The following TMEM52B variants were observed in gnomAD, a reference collection of about 807,000 sequenced individuals.
TMEM52B encodes transmembrane protein 52B, also known as chromosome 12 open reading frame 59.
In TMEM52B, 11 loss-of-function variants were observed where a neutral mutation model predicts 16.1. The observed-to-expected ratio is 0.68, with a 90% confidence interval of 0.43 to 1.13. The LOEUF (loss-of-function observed/expected upper bound fraction) is 1.13, where lower values mean the gene tolerates loss of function less well. Among genes scored for constraint, TMEM52B ranks in the 50% most tolerant of loss-of-function variants. TMEM52B has a pLI of 0.00. For missense variants in TMEM52B, 243 were observed against 230.4 expected, an observed-to-expected ratio of 1.05 and a Z score of -0.35; for synonymous variants, 101 against 93.8, an observed-to-expected ratio of 1.08 and a Z score of -0.45.
At chr12:10,187,693 A>T (rs1051808102) in intron 4 of TMEM52B, among the ~76,000 whole-genome samples, 6 of 152,098 alleles carry the variant, frequency 3.9e-5, no homozygotes, top group African/African-American at 1.4e-4. Flanking sequence ...TGTCTCCCAA[A>T]ATGCTGAGAT....
At chr12:10,188,609 G>A (rs1362484238) in intron 4 of TMEM52B, among the ~76,000 whole-genome samples, 1 of 151,702 alleles carries the variant, frequency 6.6e-6, no homozygotes, top group African/African-American at 2.4e-5. Flanking sequence ...GCTCATGCTT[G>A]TAATCCCAGA....
chr12:10,190,174 G>A lies in TMEM52B; in HGVS notation c.*34G>A. 1 of 1,611,684 alleles carries A rather than the reference G, an allele frequency of 6.2e-7. No individual in the cohort carries two copies. Among genetic ancestry groups the A allele is most frequent in the Non-Finnish European group, 8.5e-7 (1 of 1,178,428 alleles). ...GTCATTTTATAAATAGGAGTGGAGT[G>A]ATGTCCAGAGTCTGTGGGAAAATGG... On this transcript the variant is annotated 3_prime_UTR_variant, in exon 5 of 5. Coordinates refer to ENST00000543484, the MANE Select transcript of TMEM52B (RefSeq NM_001384896.1).
At chr12:10,182,742 T>G (rs1252459432) in intron 2 of TMEM52B, 149 bp downstream of exon 2, 1 of 901,304 alleles carries the variant, frequency 1.1e-6, no homozygotes, top group Non-Finnish European at 1.6e-6. Flanking sequence ...TATCACAAAA[T>G]AAAGACGTGT....
chr12:10,182,116 G>C, intron 1 of TMEM52B: 1 of 983,780 alleles, frequency 1.0e-6, no homozygotes, highest in African/African-American at 1.8e-5. Flanking sequence ...TGTCCCACTG[G>C]CCCCCTCGCT....
intron 4 of TMEM52B, among the ~76,000 whole-genome samples, chr12:10,188,873 T>C (rs942054754): frequency 7.3e-5 from 11 of 151,506 alleles, no homozygotes; most frequent in East Asian, 5.9e-4. Flanking sequence ...AAAAATTAGC[T>C]CGGCGTGGTG....
Position 10,179,360 on chromosome 12 carries a change from G to C in TMEM52B, c.-215G>C. 5.3e-6 allele frequency: 3 copies of C among 565,316 alleles called. No individual in the cohort carries two copies. Among genetic ancestry groups the C allele is most frequent in the Middle Eastern group, 4.1e-4 (1 of 2,416 alleles). 35.0% of individuals were successfully genotyped at this position (565,316 alleles called of 1,614,324 possible). On this transcript the variant is annotated 5_prime_UTR_variant, in exon 1 of 5. Coordinates refer to ENST00000543484, the MANE Select transcript of TMEM52B (RefSeq NM_001384896.1). Reference sequence around the variant, plus strand: ...TAGAAATAGTAATAAGAATAAAGAAGAAAAACAGGAAAGAAGAGGGAAAAG... The same window carrying C: ...TAGAAATAGTAATAAGAATAAAGAACAAAAACAGGAAAGAAGAGGGAAAAG...
chr12:10,188,456 C>CA (rs907938849), intron 4 of TMEM52B, among the ~76,000 whole-genome samples: 4 of 119,030 alleles, frequency 3.4e-5, no homozygotes, highest in African/African-American at 1.4e-4. Context: ...GAGACACCAT[C>CA]AAAAAATAAA....
In TMEM52B at chr12:10,187,133, T is replaced by C. The variant is rs531278143; in HGVS notation, c.307+544T>C. 3.3e-3 allele frequency among the ~76,000 whole-genome samples: 441 copies of C among 134,894 alleles called. 3 individuals are homozygous for C. The highest frequency in any genetic ancestry group is 0.012 in the African/African-American group (426 of 34,902). The allele number at this position is 134,894 out of a possible 152,430, so 88.5% of individuals were successfully genotyped here. A position where few individuals can be genotyped will look rare whatever the true frequency, so the allele number is the denominator to read the frequency against. On this transcript the variant is annotated intron_variant, in intron 4 of 4. Transcript: ENST00000543484. Reference sequence around the variant, plus strand: ...TTTTTTTTTTTTTGAGATGGAGTCTTGTTCTGTCGCCCAGACTGGAGTGCA... The same window carrying C: ...TTTTTTTTTTTTTGAGATGGAGTCTCGTTCTGTCGCCCAGACTGGAGTGCA...
intron 2 of TMEM52B, among the ~76,000 whole-genome samples, chr12:10,184,978 C>G (rs1199951737): frequency 1.3e-5 from 2 of 152,142 alleles, no homozygotes; most frequent in Non-Finnish European, 2.9e-5. Context: ...TCCCAAAGTG[C>G]TGGGATTACA....
Position 10,179,507 on chromosome 12 carries a change from G to A in TMEM52B, c.-68G>A. Reference sequence around the variant, plus strand: ...ATTCTAGGTCAAGAAGTAAAATATGGCACAGAGCATTGAAAGGAGGCAACG... The same window carrying A: ...ATTCTAGGTCAAGAAGTAAAATATGACACAGAGCATTGAAAGGAGGCAACG... On this transcript the variant is annotated 5_prime_UTR_variant, in exon 1 of 5. Coordinates refer to ENST00000543484, the MANE Select transcript of TMEM52B (RefSeq NM_001384896.1). 3 of 1,528,666 alleles carry A rather than the reference G, an allele frequency of 2.0e-6. No homozygotes were observed. Among genetic ancestry groups the A allele is most frequent in the Non-Finnish European group, 2.7e-6 (3 of 1,102,176 alleles). The allele number at this position is 1,528,666 out of a possible 1,614,324, so 94.7% of individuals were successfully genotyped here.
At chr12:10,188,518 AAGGAAG>A (rs1948909793) in intron 4 of TMEM52B, among the ~76,000 whole-genome samples, 1 of 99,964 alleles carries the variant, frequency 1.0e-5, no homozygotes, top group African/African-American at 3.7e-5. Flanking sequence ...GGAAGGAAGG[AAGGAAG>A]GAAGGAAGGA....
chr12:10,179,462 A>G lies in TMEM52B; in HGVS notation c.-113A>G. ...AGAGAAAAGCTGATAAATTCCTGAG[A>G]AAAGTTTCTCTTCTTAAGAATTCTA... On this transcript the variant is annotated 5_prime_UTR_variant, in exon 1 of 5. Transcript: ENST00000543484. The G allele has an allele frequency of 8.8e-7, 1 of 1,141,376 alleles. No homozygotes were observed. Among genetic ancestry groups the G allele is most frequent in the Non-Finnish European group, 1.3e-6 (1 of 754,752 alleles). 70.7% of individuals were successfully genotyped at this position (1,141,376 alleles called of 1,614,324 possible).
chr12:10,186,630 T>A, intron 4 of TMEM52B, 41 bp downstream of exon 4: 1 of 1,505,110 alleles, frequency 6.6e-7, no homozygotes. Context: ...AGGACCCAAT[T>A]TAAGGGAATA....
In TMEM52B at chr12:10,186,602, A is replaced by G; in HGVS notation, c.307+13A>G. ...AGCACTATCACATGTGAGTACACTG[A>G]ACTTTTAACCTGGGAGGAGGACCCA... is the stretch of plus-strand genomic sequence containing the variant. On this transcript the variant is annotated intron_variant, in intron 4 of 4. Coordinates refer to ENST00000543484, the MANE Select transcript of TMEM52B (RefSeq NM_001384896.1). The G allele has an allele frequency of 6.5e-7, 1 of 1,546,298 alleles. No individual in the cohort carries two copies. Among genetic ancestry groups the G allele is most frequent in the Middle Eastern group, 1.7e-4 (1 of 5,762 alleles).
chr12:10,182,497 G>T, intron 1 of TMEM52B, 53 bp from the exon 2 acceptor site: 1 of 1,524,924 alleles, frequency 6.6e-7, no homozygotes, highest in South Asian at 1.2e-5. Context: ...GTAAGCAGCT[G>T]AACACAGTGG....
chr12:10,179,491 C>T lies in TMEM52B; in HGVS notation c.-84C>T. Reference sequence around the variant, plus strand: ...GTTTCTCTTCTTAAGAATTCTAGGTCAAGAAGTAAAATATGGCACAGAGCA... The same window carrying T: ...GTTTCTCTTCTTAAGAATTCTAGGTTAAGAAGTAAAATATGGCACAGAGCA... On this transcript the variant is annotated 5_prime_UTR_variant, in exon 1 of 5. Coordinates refer to ENST00000543484, the MANE Select transcript of TMEM52B (RefSeq NM_001384896.1). 1 of 1,449,304 alleles carries T rather than the reference C, an allele frequency of 6.9e-7. No homozygotes were observed. Among genetic ancestry groups the T allele is most frequent in the Non-Finnish European group, 9.7e-7 (1 of 1,031,078 alleles). 89.8% of individuals were successfully genotyped at this position (1,449,304 alleles called of 1,614,324 possible). A position where few individuals can be genotyped will look rare whatever the true frequency, so the allele number is the denominator to read the frequency against.
In TMEM52B at chr12:10,181,620, G is replaced by A. The variant is rs191914999; in HGVS notation, c.55-930G>A. ...TGGGATTACAGGCGTGAGCCACCAC[G>A]CCTGGCCTGGTCACATTACTTAAAA... On this transcript the variant is annotated intron_variant, in intron 1 of 4. Coordinates refer to ENST00000543484, the MANE Select transcript of TMEM52B (RefSeq NM_001384896.1). 1.7e-3 allele frequency among the ~76,000 whole-genome samples: 260 copies of A among 151,062 alleles called. 2 individuals are homozygous for A. The highest frequency in any genetic ancestry group is 5.8e-3 in the African/African-American group (239 of 41,290).
intron 1 of TMEM52B, among the ~76,000 whole-genome samples, chr12:10,173,954 C>T (rs1565424276): frequency 1.3e-5 from 2 of 152,082 alleles, no homozygotes; most frequent in African/African-American, 4.8e-5. Flanking sequence ...GTTGTGCAGC[C>T]ATCACCACCA....
At chr12:10,182,883 C>T (rs1948839863) in intron 2 of TMEM52B, among the ~76,000 whole-genome samples, 1 of 152,188 alleles carries the variant, frequency 6.6e-6, no homozygotes, top group African/African-American at 2.4e-5. Context: ...ACTTCCTTAG[C>T]CCTGCTCCTC....
Sources: gnomAD v4.1 joint callset for allele counts (sites outside exome capture counted in the v4.1 genomes callset) on GRCh38, gnomAD v4.1.1 for gene constraint, MANE v1.5 for transcripts, NCBI Gene and HGNC (gene_info 2026-07-23, HGNC 2026-07-21) for gene names.